ITGB1: variants seen among roughly 807,000 people sequenced by gnomAD.
ITGB1 encodes integrin beta-1.
A neutral mutation model predicts 86.5 loss-of-function variants in ITGB1; 24 were observed. That is an observed-to-expected ratio of 0.28 (90% confidence interval 0.20 to 0.39). The LOEUF (loss-of-function observed/expected upper bound fraction) is 0.39, where lower values mean the gene tolerates loss of function less well. Ranked by LOEUF, ITGB1 falls within the 10% of genes least tolerant of loss-of-function variation. ITGB1 has a pLI of 1.00. For synonymous variants in ITGB1, 323 were observed against 316.8 expected (o/e 1.02, Z -0.21); for missense variants, 556 against 946.9 (o/e 0.59, Z 5.42).
intron 2 of ITGB1, among the ~76,000 whole-genome samples, chr10:32,932,881 C>T (rs1260899166): frequency 2.6e-5 from 4 of 151,470 alleles, no homozygotes; most frequent in Non-Finnish European, 5.9e-5. Context: ...GTATTCATCC[C>T]CTCAGGCCTT....
intron 12 of ITGB1, 107 bp from the exon 13 acceptor site, chr10:32,911,777 G>A: frequency 1.4e-6 from 2 of 1,423,732 alleles, no homozygotes; most frequent in Non-Finnish European, 9.8e-7. Context: ...CTAGGGGCGA[G>A]ACTGACCCTC....
At chr10:32,940,909 C>A (rs1378426419) in intron 1 of ITGB1, among the ~76,000 whole-genome samples, 1 of 152,184 alleles carries the variant, frequency 6.6e-6, no homozygotes, top group African/African-American at 2.4e-5. Flanking sequence ...CCTCTTCAGA[C>A]AACTCTGTCA....
chr10:32,916,250 C>G (rs1202853336), intron 11 of ITGB1, among the ~76,000 whole-genome samples: 1 of 152,160 alleles, frequency 6.6e-6, no homozygotes, highest in Non-Finnish European at 1.5e-5. Context: ...AAAACTGGCA[C>G]AAGACAGGGA....
At chr10:32,932,928 T>C (rs2094988635) in intron 2 of ITGB1, among the ~76,000 whole-genome samples, 1 of 152,106 alleles carries the variant, frequency 6.6e-6, no homozygotes, top group African/African-American at 2.4e-5. Flanking sequence ...TTATACTCTT[T>C]TAGTTATTTT....
intron 1 of ITGB1, chr10:32,951,793 T>C (rs1456666155): frequency 6.6e-6 from 1 of 152,146 alleles, no homozygotes; most frequent in Non-Finnish European, 1.5e-5. Flanking sequence ...ACGGTTTTGG[T>C]TGAGAAAGTT....
intron 11 of ITGB1, among the ~76,000 whole-genome samples, chr10:32,913,720 G>C (rs1159705843): frequency 6.6e-6 from 1 of 152,194 alleles, no homozygotes; most frequent in African/African-American, 2.4e-5. Context: ...AGGGAGAATG[G>C]AACCAAGTTG....
chr10:32,957,868 A>G (rs1187075), intron 1 of ITGB1: 126,315 of 151,990 alleles, frequency 0.83, 53,166 homozygotes, highest in Non-Finnish European at 0.9. Flanking sequence ...GGCGACCCTC[A>G]CGTTCGGAAC....
intron 1 of ITGB1, chr10:32,957,936 G>A (rs1452796787): frequency 6.6e-6 from 1 of 151,804 alleles, no homozygotes; most frequent in Non-Finnish European, 1.5e-5. Context: ...GAGGCGGGTG[G>A]CGGCGTGCGG....
chr10:32,935,004 C>CA (rs377487274), intron 2 of ITGB1, among the ~76,000 whole-genome samples: 18 of 152,164 alleles, frequency 1.2e-4, no homozygotes, highest in African/African-American at 4.1e-4. Context: ...TGTGGAGCCA[C>CA]ATCTTTATAG....
intron 6 of ITGB1, among the ~76,000 whole-genome samples, chr10:32,924,764 A>T (rs1368087591): frequency 6.6e-6 from 1 of 152,244 alleles, no homozygotes; most frequent in Non-Finnish European, 1.5e-5. Flanking sequence ...CTATAACAGC[A>T]GGGACTAACC....
At chr10:32,954,947 G>A (rs755751743) in intron 1 of ITGB1, among the ~76,000 whole-genome samples, 12 of 152,132 alleles carry the variant, frequency 7.9e-5, no homozygotes, top group Non-Finnish European at 1.6e-4. Flanking sequence ...AATGTACAAA[G>A]TATAGTTTGG....
chr10:32,947,406 C>T (rs1410527651), intron 1 of ITGB1, among the ~76,000 whole-genome samples: 1 of 144,008 alleles, frequency 6.9e-6, no homozygotes, highest in Non-Finnish European at 1.5e-5. Flanking sequence ...GAAAGAAAGA[C>T]TAAAGCCAGG....
intron 1 of ITGB1, 98 bp from the exon 2 acceptor site, chr10:32,935,656 A>G (rs879608189): frequency 8.1e-5 from 67 of 826,528 alleles, no homozygotes; most frequent in Non-Finnish European, 1.1e-4. Context: ...TATTGCTTTT[A>G]TAAACATGAT....
At chr10:32,911,796 C>A in intron 12 of ITGB1, 90 bp downstream of exon 12, 2 of 1,418,734 alleles carry the variant, frequency 1.4e-6, no homozygotes. Flanking sequence ...TCAAGCTACC[C>A]CTTTTCTACT....
At chr10:32,955,113 T>C (rs1189658547) in intron 1 of ITGB1, among the ~76,000 whole-genome samples, 2 of 152,180 alleles carry the variant, frequency 1.3e-5, no homozygotes, top group East Asian at 1.9e-4. Context: ...CAGCTATAGA[T>C]ACCTCTAGCA....
intron 14 of ITGB1, among the ~76,000 whole-genome samples, 159 bp downstream of exon 14, chr10:32,910,062 TAC>T (rs1395516426): frequency 3.9e-5 from 6 of 152,294 alleles, no homozygotes; most frequent in Admixed American, 2.6e-4. Flanking sequence ...TTATTTCTTA[TAC>T]AGTTAATTAG....
At chr10:32,931,220 T>C (rs2094982444) in intron 3 of ITGB1, among the ~76,000 whole-genome samples, 1 of 152,126 alleles carries the variant, frequency 6.6e-6, no homozygotes, top group Non-Finnish European at 1.5e-5. Flanking sequence ...GAATTACACA[T>C]TTCTAAATAC....
chr10:32,945,956 T>A (rs2095030464), intron 1 of ITGB1, among the ~76,000 whole-genome samples: 1 of 152,232 alleles, frequency 6.6e-6, no homozygotes. Flanking sequence ...AGATGACTCT[T>A]CTTTTGAAAA....
At chr10:32,952,909 T>C (rs1037261862) in intron 1 of ITGB1, among the ~76,000 whole-genome samples, 6 of 152,240 alleles carry the variant, frequency 3.9e-5, no homozygotes, top group Non-Finnish European at 5.9e-5. Context: ...TTCAAACTTC[T>C]ATTGTAACTA....
Sources: allele counts gnomAD v4.1 joint callset (sites outside exome capture counted in the v4.1 genomes callset), GRCh38; gene constraint gnomAD v4.1.1; transcripts MANE v1.5; gene names NCBI Gene and HGNC (gene_info 2026-07-23, HGNC 2026-07-21).